The following ETV1 variants were observed in gnomAD, a reference collection of about 807,000 sequenced individuals.
ETV1 encodes the protein ETS translocation variant 1.
Under a neutral mutation model 62.3 loss-of-function variants are expected in ETV1, and 27 were observed. That is an observed-to-expected ratio of 0.43 (90% CI 0.32 to 0.60). ETV1 has a LOEUF of 0.60. Ranked by LOEUF, ETV1 falls within the 20% of genes least tolerant of loss-of-function variation. The pLI, the probability that ETV1 is intolerant of heterozygous loss-of-function variation, is 0.06. For missense variants in ETV1, 605 were observed against 605.8 expected, an observed-to-expected ratio of 1.00 and a Z score of 0.01; for synonymous variants, 222 against 199.6, an observed-to-expected ratio of 1.11 and a Z score of -0.94.
intron 6 of ETV1, among the ~76,000 whole-genome samples, chr7:13,954,844 A>G (rs964585734): frequency 6.6e-6 from 1 of 152,214 alleles, no homozygotes; most frequent in Non-Finnish European, 1.5e-5. Flanking sequence ...AGACAATCAA[A>G]GCTGAAAATA....
At chr7:13,927,057 C>G (rs2128443863) in intron 9 of ETV1, among the ~76,000 whole-genome samples, 1 of 152,226 alleles carries the variant, frequency 6.6e-6, no homozygotes. Flanking sequence ...TTTATTTTCA[C>G]AACATTTATG....
At chr7:13,948,969 C>T (rs189340256) in intron 6 of ETV1, among the ~76,000 whole-genome samples, 2 of 152,034 alleles carry the variant, frequency 1.3e-5, no homozygotes, top group East Asian at 3.9e-4. Context: ...AAAAATGACA[C>T]AAAATTGAGA....
In ETV1 at chr7:13,894,658, T is replaced by C. The variant is rs3823701; in HGVS notation, c.*1208A>G. 54 of 232,576 alleles carry C rather than the reference T, an allele frequency of 2.3e-4. 1 individual carries two copies. In the East Asian group the frequency reaches 3.3e-3, roughly 14 times the overall value. The allele number at this position is 232,576 out of a possible 1,614,324, so 14.4% of individuals were successfully genotyped here. A position where few individuals can be genotyped will look rare whatever the true frequency, so the allele number is the denominator to read the frequency against. ...TTTAAGCAATAAATGGTTTGAGTCA[T>C]CTATTTTGTCCTGAAATGCTATCTG... is the stretch of plus-strand genomic sequence containing the variant. On this transcript the variant is annotated 3_prime_UTR_variant, in exon 14 of 14. Transcript: ENST00000430479.
At chr7:13,951,711 G>C (rs1445116942) in intron 6 of ETV1, among the ~76,000 whole-genome samples, 1 of 152,092 alleles carries the variant, frequency 6.6e-6, no homozygotes, top group Non-Finnish European at 1.5e-5. Flanking sequence ...TTCCCCTTTT[G>C]TAATATCAAA....
chr7:13,925,635 A>G (rs373142259), intron 9 of ETV1, among the ~76,000 whole-genome samples: 5 of 149,902 alleles, frequency 3.3e-5, no homozygotes, highest in Non-Finnish European at 7.4e-5. Flanking sequence ...GCGCGATCTC[A>G]GCTCACTGCA....
chr7:13,978,770 A>G (rs1781698605), intron 5 of ETV1, among the ~76,000 whole-genome samples: 1 of 152,022 alleles, frequency 6.6e-6, no homozygotes, highest in South Asian at 2.1e-4. Context: ...TCTTTTTATT[A>G]GTTTAATATT....
At chr7:13,900,291 G>A (rs1430556250) in intron 13 of ETV1, 2 of 153,098 alleles carry the variant, frequency 1.3e-5, no homozygotes, top group African/African-American at 4.8e-5. Context: ...AAGATTTGAG[G>A]CAAGGAAGAA....
At position 13,988,156 on chromosome 7, in the gene ETV1, A is replaced by G. The variant is rs746199020; in HGVS notation, c.63T>C (p.Asn21=). 4 of 1,610,558 alleles carry G rather than the reference A, an allele frequency of 2.5e-6. No homozygotes were observed. Among genetic ancestry groups the G allele is most frequent in the Non-Finnish European group, 2.5e-6 (3 of 1,177,024 alleles). Residue 21 remains asparagine (N), a synonymous_variant, in exon 4 of 14, where the codon AAT becomes AAC. Transcript: ENST00000430479. The stretch of plus-strand genomic sequence containing the variant: ...TGACATTTGTTGGTTTCTCGTTACA[A>G]TTTCTCCCACGCTGACTCTACAAAG... ...YMVTNSQRGR[N]CNEKPTNVRK... is the part of the protein sequence containing the mutation.
In ETV1 at chr7:13,920,628, T is replaced by C. The variant is rs28674918; in HGVS notation, c.803-9321A>G. Among the ~76,000 whole-genome samples the C allele has an allele frequency of 6.3e-3, 957 of 152,302 alleles. 8 individuals carry two copies. The highest frequency in any genetic ancestry group is 0.022 in the African/African-American group (914 of 41,550). On this transcript the variant is annotated intron_variant, in intron 9 of 13. Transcript: ENST00000430479. ...AGCCTTCAGCCTTCCATTACTGCCT[T>C]AAAATGCAGTCCCTGTCCATTTGGC...
At chr7:13,908,651 T>C (rs1783231999) in intron 11 of ETV1, among the ~76,000 whole-genome samples, 1 of 152,106 alleles carries the variant, frequency 6.6e-6, no homozygotes, top group African/African-American at 2.4e-5. Context: ...AGATCTTCCC[T>C]AGACTTACCA....
intron 9 of ETV1, among the ~76,000 whole-genome samples, chr7:13,916,088 G>C (rs1412548488): frequency 2.0e-5 from 3 of 152,184 alleles, no homozygotes; most frequent in African/African-American, 4.8e-5. Context: ...ATGTGAAGAA[G>C]GCAGCAAAGC....
chr7:13,901,159 C>T (rs578158650), intron 12 of ETV1, among the ~76,000 whole-genome samples: 14 of 152,250 alleles, frequency 9.2e-5, no homozygotes, highest in Admixed American at 1.3e-4. Context: ...TGGGCCCCAC[C>T]ACGCCCGGCT....
chr7:13,908,674 A>C (rs1340942563), intron 11 of ETV1, among the ~76,000 whole-genome samples: 1 of 152,106 alleles, frequency 6.6e-6, no homozygotes, highest in Admixed American at 6.6e-5. Context: ...CCTTCTGAGA[A>C]GGGTAAGGGT....
chr7:13,942,087 G>A (rs1401933719), intron 6 of ETV1, among the ~76,000 whole-genome samples: 1 of 142,348 alleles, frequency 7.0e-6, no homozygotes, highest in African/African-American at 2.6e-5. Flanking sequence ...GCAGTGGCGC[G>A]ATCTCGGCTC....
chr7:13,977,465 T>C lies in ETV1; in HGVS notation c.197A>G (p.Asn66Ser), dbSNP rs1781566261. The C allele has an allele frequency of 1.3e-6, 2 of 1,546,932 alleles. No individual in the cohort carries two copies. Among genetic ancestry groups the C allele is most frequent in the Non-Finnish European group, 1.7e-6 (2 of 1,143,994 alleles). ...ATAGTCTGGTACAAACTGCTCATCA[T>C]TGTCAGGTACCTGAGCTGAAGAAGA... Reference protein sequence around the residue: ...TWLAEAQVPDNDEQFVPDYQA... With the variant: ...TWLAEAQVPDSDEQFVPDYQA... The change falls in exon 6 of 14, where the codon AAT (asparagine) becomes AGT (serine). Residue 66 changes from asparagine to serine, a missense_variant. This residue lies in a region of ETV1 where 426 missense variants were observed against 377.8 expected (regional missense o/e 1.13). Coordinates refer to ENST00000430479, the MANE Select transcript of ETV1 (RefSeq NM_004956.5).
chr7:13,950,428 G>T (rs1788663079), intron 6 of ETV1, among the ~76,000 whole-genome samples: 1 of 152,028 alleles, frequency 6.6e-6, no homozygotes, highest in African/African-American at 2.4e-5. Flanking sequence ...ACACTCTCTT[G>T]CAGGGATCCC....
chr7:13,974,348 G>A (rs1781193495), intron 6 of ETV1, among the ~76,000 whole-genome samples: 1 of 152,238 alleles, frequency 6.6e-6, no homozygotes, highest in Non-Finnish European at 1.5e-5. Flanking sequence ...GGGCACTGGA[G>A]TAGCAAGAGT....
intron 6 of ETV1, among the ~76,000 whole-genome samples, chr7:13,952,588 A>T (rs1053718403): frequency 6.6e-6 from 1 of 152,196 alleles, no homozygotes; most frequent in Non-Finnish European, 1.5e-5. Context: ...AGAAAGAGGT[A>T]CATGTAATAC....
At chr7:13,988,618 G>GAT in intron 3 of ETV1, 1 of 1,114,982 alleles carries the variant, frequency 9.0e-7, no homozygotes. Context: ...AAGAGAAAAT[G>GAT]AGAAAAAAAA....
Sources: allele counts gnomAD v4.1 joint callset (sites outside exome capture counted in the v4.1 genomes callset), GRCh38; gene constraint gnomAD v4.1.1; regional missense constraint gnomAD v4.1.1; transcripts MANE v1.5; gene names NCBI Gene and HGNC (gene_info 2026-07-23, HGNC 2026-07-21).